IL17RC: variants seen among roughly 807,000 people sequenced by gnomAD.
IL17RC encodes the protein interleukin 17 receptor C.
Under a neutral mutation model 86.7 loss-of-function variants are expected in IL17RC, and 53 were observed. The ratio of observed to expected loss-of-function variants is 0.61; its 90% CI spans 0.49 to 0.77. The LOEUF (loss-of-function observed/expected upper bound fraction) is 0.77, where lower values mean the gene tolerates loss of function less well. IL17RC is among the 30% of genes least tolerant of loss of function. The pLI is 0.00. For synonymous variants in IL17RC, 439 were observed against 413.1 expected (o/e 1.06, Z -0.76); for missense variants, 957 against 940.0 (o/e 1.02, Z -0.24).
At chr3:9,924,067 C>T in intron 8 of IL17RC, 47 bp downstream of exon 8, 1 of 1,611,550 alleles carries the variant, frequency 6.2e-7, no homozygotes, top group African/African-American at 1.3e-5. Context: ...AGGCCGATGC[C>T]TGTGCAAAGG....
chr3:9,928,196 A>C lies in IL17RC; in HGVS notation c.853A>C (p.Thr285Pro), dbSNP rs767165570. Residue 285 changes from threonine (T) to proline (P), a missense_variant, in exon 10 of 19, where the codon ACG (threonine) becomes CCG (proline). By Grantham distance (38) the Thr-to-Pro change is conservative (BLOSUM62 -1). Transcript: ENST00000403601. The stretch of plus-strand genomic sequence containing the variant: ...GCCTCTGGAACCTGACTCCGTTAGG[A>C]CGAACATCTGCCCCTTCAGGGAGGG... Reference protein sequence around the residue: ...VWPLEPDSVRTNICPFREDPR... With the variant: ...VWPLEPDSVRPNICPFREDPR... 4 of 1,613,900 alleles carry C rather than the reference A, an allele frequency of 2.5e-6. No homozygotes were observed. In the Admixed American group the frequency reaches 5.0e-5, roughly 20 times the overall value.
At chr3:9,925,803 C>T (rs1276807733) in intron 9 of IL17RC, among the ~76,000 whole-genome samples, 1 of 152,042 alleles carries the variant, frequency 6.6e-6, no homozygotes, top group African/African-American at 2.4e-5. Flanking sequence ...CTCCAAATCC[C>T]CTTGCACTTC....
rs770372179 is a variant in IL17RC, at chr3:9,930,251, G to A, written c.1278+102G>A. The stretch of plus-strand genomic sequence containing the variant: ...ACCCTGTGCCGGTCTCTGGGAACAT[G>A]GGGGGTGACTCAGACCAGGGCCATA... On this transcript the variant is annotated intron_variant, in intron 14 of 18. Transcript: ENST00000403601. The surrounding 1 kb of genome is among the most constrained non-coding windows in gnomAD (Gnocchi z 5.8). 6.6e-5 allele frequency: 102 copies of A among 1,548,338 alleles called. No homozygotes were observed. Among genetic ancestry groups the A allele is most frequent in the Middle Eastern group, 1.7e-4 (1 of 5,880 alleles).
rs76999397 is a variant in IL17RC at position 9,933,125 on chromosome 3, G to C, written c.1695G>C (p.Ala565=). ...SAQGPVAWFH[A]QRRQTLQEGG... ...AGGGGCCCGTGGCTTGGTTTCACGC[G>C]CAGCGGCGCCAGACCCTGCAGGAGG... Residue 565 remains alanine, a synonymous_variant, in exon 19 of 19, where the codon GCG becomes GCC. Transcript: ENST00000403601. 1.3e-6 allele frequency: 2 copies of C among 1,587,374 alleles called. No individual in the cohort carries two copies. Among genetic ancestry groups the C allele is most frequent in the African/African-American group, 2.7e-5 (2 of 74,108 alleles).
rs371639742 is a variant in IL17RC at position 9,928,747 on chromosome 3, A to G, written c.1110+117A>G. On this transcript the variant is annotated intron_variant, in intron 12 of 18. Transcript: ENST00000403601. ...AGTGGTTGCCAGCTTCCTCTATGGG[A>G]GTTCCACTGCCTACTTTAGTAGTGC... 1.7e-4 allele frequency: 181 copies of G among 1,045,588 alleles called. No individual in the cohort carries two copies. In the East Asian group the frequency reaches 3.8e-3, roughly 22 times the overall value. 64.8% of individuals were successfully genotyped at this position (1,045,588 alleles called of 1,614,324 possible).
intron 10 of IL17RC, 42 bp downstream of exon 10, chr3:9,928,262 C>A (rs138759110): frequency 6.2e-7 from 1 of 1,613,684 alleles, no homozygotes; most frequent in East Asian, 2.2e-5. Flanking sequence ...GTGTTGCGAG[C>A]GATGGGTACC....
At chr3:9,931,176 C>T (rs1406775973) in intron 16 of IL17RC, among the ~76,000 whole-genome samples, 3 of 152,096 alleles carry the variant, frequency 2.0e-5, no homozygotes, top group Admixed American at 2.0e-4. Flanking sequence ...AGACATGAGC[C>T]AGTCACTTAC....
At position 9,930,706 on chromosome 3, in the gene IL17RC, C is replaced by A; in HGVS notation, c.1339-189C>A. On this transcript the variant is annotated intron_variant, in intron 15 of 18. Coordinates refer to ENST00000403601, the MANE Select transcript of IL17RC (RefSeq NM_153460.4). This position sits in a 1 kb window ranked among gnomAD's most constrained non-coding sequence, Gnocchi z 5.8. Reference sequence around the variant, plus strand: ...TCCGGGAAGAATTTCTTCCTATAAGCCAGATTTGGTATGGAAGAAGTCATA... The same window carrying A: ...TCCGGGAAGAATTTCTTCCTATAAGACAGATTTGGTATGGAAGAAGTCATA... 1.5e-6 allele frequency: 1 copy of A among 687,906 alleles called. No individual in the cohort carries two copies. The highest frequency in any genetic ancestry group is 2.6e-6 in the Non-Finnish European group (1 of 390,684). The allele number at this position is 687,906 out of a possible 1,614,324, so 42.6% of individuals were successfully genotyped here.
At chr3:9,929,930 C>T in intron 13 of IL17RC, 33 bp downstream of exon 13, 1 of 1,613,698 alleles carries the variant, frequency 6.2e-7, no homozygotes, top group Non-Finnish European at 8.5e-7. Flanking sequence ...TGGGGCAGGG[C>T]CACCTCCTAG....
At chr3:9,924,344 G>T in intron 9 of IL17RC, 53 bp downstream of exon 9, 1 of 1,547,078 alleles carries the variant, frequency 6.5e-7, no homozygotes, top group South Asian at 1.1e-5. Flanking sequence ...GATGATGATG[G>T]GGGTGATCCC....
Position 9,929,111 on chromosome 3 carries a change from A to G in IL17RC, c.1110+481A>G, listed in dbSNP as rs372817599. 321 of 157,314 alleles carry G rather than the reference A, an allele frequency of 2.0e-3. 1 individual carries two copies. In the South Asian group the frequency reaches 0.024, roughly 12 times the overall value. 9.7% of individuals were successfully genotyped at this position (157,314 alleles called of 1,614,324 possible). A position where few individuals can be genotyped will look rare whatever the true frequency, so the allele number is the denominator to read the frequency against. On this transcript the variant is annotated intron_variant, in intron 12 of 18. Transcript: ENST00000403601. ...GGGCAGATCACGAGGTCAGGACATC[A>G]AGACCATCCTGGCTAACATGGTGAA...
rs1328740242 is a variant in IL17RC, at chr3:9,917,185, C to T, written c.-131C>T. The stretch of plus-strand genomic sequence containing the variant: ...ACAAACTACCCAGCACAGCCCCCTC[C>T]GCCCCCTCTGGAGGCTGAAGAGGGA... On this transcript the variant is annotated 5_prime_UTR_variant, in exon 1 of 19. Transcript: ENST00000403601. The T allele has an allele frequency of 2.4e-5, 16 of 678,556 alleles. No homozygotes were observed. Among genetic ancestry groups the T allele is most frequent in the African/African-American group, 3.6e-5 (2 of 54,980 alleles). The allele number at this position is 678,556 out of a possible 1,614,324, so 42.0% of individuals were successfully genotyped here.
At position 9,917,102 on chromosome 3, in the gene IL17RC, C is replaced by T; in HGVS notation, c.-214C>T. On this transcript the variant is annotated 5_prime_UTR_variant, in exon 1 of 19. It adds an upstream start codon to the 5' untranslated region. Transcript: ENST00000403601. Reference sequence around the variant, plus strand: ...GCCAGCAGCCTGCCGGGAGCCAAAACGAAAGCACTCCGTGCTGGAAGTAGG... The same window carrying T: ...GCCAGCAGCCTGCCGGGAGCCAAAATGAAAGCACTCCGTGCTGGAAGTAGG... 2 of 567,854 alleles carry T rather than the reference C, an allele frequency of 3.5e-6. No homozygotes were observed. Among genetic ancestry groups the T allele is most frequent in the South Asian group, 4.5e-5 (2 of 44,934 alleles). The allele number at this position is 567,854 out of a possible 1,614,324, so 35.2% of individuals were successfully genotyped here.
rs768568126 is a variant in IL17RC, at chr3:9,933,378, G to A, written c.1948G>A (p.Val650Met). The A allele has an allele frequency of 7.4e-6, 12 of 1,612,840 alleles. No individual in the cohort carries two copies. Among genetic ancestry groups the A allele is most frequent in the Admixed American group, 1.7e-5 (1 of 59,956 alleles). ...PDAVPALFRT[V>M]PVFTLPSQLP... ...CGCCGTACCCGCCCTTTTCCGCACC[G>A]TGCCCGTCTTCACACTGCCCTCCCA... The change falls in exon 19 of 19, where the codon GTG becomes ATG. Residue 650 changes from valine to methionine, a missense_variant. Transcript: ENST00000403601.
intron 3 of IL17RC, 129 bp downstream of exon 3, chr3:9,918,204 A>AC (rs1226545548): frequency 2.5e-5 from 33 of 1,306,854 alleles, no homozygotes; most frequent in Non-Finnish European, 3.4e-5. Flanking sequence ...CAGCAGAAGG[A>AC]CCCCCAGGCC....
chr3:9,924,718 A>G (rs2083900462), intron 9 of IL17RC, among the ~76,000 whole-genome samples: 2 of 152,248 alleles, frequency 1.3e-5, no homozygotes, highest in Admixed American at 1.3e-4. Flanking sequence ...AATGGGAATA[A>G]TAATAGTAAC....
chr3:9,926,615 T>C (rs536586823), intron 9 of IL17RC, among the ~76,000 whole-genome samples: 2 of 136,712 alleles, frequency 1.5e-5, no homozygotes, highest in Non-Finnish European at 3.0e-5. Flanking sequence ...TGTGTTTTTG[T>C]TTTTTTTTTG....
At position 9,928,221 on chromosome 3, in the gene IL17RC, G is replaced by A. The variant is rs1165371338; in HGVS notation, c.877+1G>A. 6.2e-7 allele frequency: 1 copy of A among 1,608,586 alleles called. No individual in the cohort carries two copies. The highest frequency in any genetic ancestry group is 8.5e-7 in the Non-Finnish European group (1 of 1,179,458). On this transcript the variant is annotated splice_donor_variant, in intron 10 of 18. Transcript: ENST00000403601. LOFTEE classifies it high-confidence loss of function. ...ACGAACATCTGCCCCTTCAGGGAGG[G>A]TGAGCCGACCGGCCTGGGGCTGGGG...
rs2083144006 is a variant in IL17RC at position 9,917,127 on chromosome 3, G to A, written c.-189G>A. The A allele has an allele frequency of 6.7e-6, 4 of 592,764 alleles. No homozygotes were observed. The highest frequency in any genetic ancestry group is 2.8e-5 in the East Asian group (1 of 36,032). 36.7% of individuals were successfully genotyped at this position (592,764 alleles called of 1,614,324 possible). On this transcript the variant is annotated 5_prime_UTR_variant, in exon 1 of 19. Coordinates refer to ENST00000403601, the MANE Select transcript of IL17RC (RefSeq NM_153460.4). ...CGAAAGCACTCCGTGCTGGAAGTAG[G>A]AGGAGAGTCAGGACTCCCAGGACAG...
Sources: allele counts gnomAD v4.1 joint callset (sites outside exome capture counted in the v4.1 genomes callset), GRCh38; gene constraint gnomAD v4.1.1; non-coding constraint Gnocchi (gnomAD v3.1); transcripts MANE v1.5; gene names NCBI Gene and HGNC (gene_info 2026-07-23, HGNC 2026-07-21).